PWWP2B: variants seen among roughly 807,000 people sequenced by gnomAD.
PWWP2B encodes the protein PWWP domain-containing protein 2B.
Under a neutral mutation model 15.5 loss-of-function variants are expected in PWWP2B, and 9 were observed. The observed-to-expected ratio is 0.58, with a 90% CI of 0.35 to 1.02. The LOEUF is 1.02. Ranked by LOEUF, PWWP2B falls within the 50% of genes least tolerant of loss-of-function variation. The pLI is 0.02. For missense variants in PWWP2B, 864 were observed against 865.3 expected (o/e 1.00, Z 0.02); for synonymous variants, 474 against 403.6 (o/e 1.17, Z -2.09).
intron 1 of PWWP2B, among the ~76,000 whole-genome samples, chr10:132,397,660 G>GAA (rs2069556239): frequency 5.3e-5 from 8 of 152,138 alleles, no homozygotes. Context: ...TCTTTGTTCA[G>GAA]AGCCACTGTT....
intron 1 of PWWP2B, 89 bp from the exon 2 acceptor site, chr10:132,404,537 G>T: frequency 8.8e-7 from 1 of 1,136,254 alleles, no homozygotes; most frequent in Non-Finnish European, 1.3e-6. Context: ...GCCGGAGCAT[G>T]GGTCGGGGGC....
At chr10:132,406,731 C>T (rs999789842) in intron 2 of PWWP2B, among the ~76,000 whole-genome samples, 1 of 152,194 alleles carries the variant, frequency 6.6e-6, no homozygotes, top group Non-Finnish European at 1.5e-5. Flanking sequence ...GGGCATCTCC[C>T]TCCTCCTGCA....
Position 132,406,118 on chromosome 10 carries a change from T to A in PWWP2B, c.1618T>A (p.Ser540Thr). ...WFGSPTTSFLSISKLSPFSEF... is the reference protein window; with the variant it reads ...WFGSPTTSFLTISKLSPFSEF... ...TGGTTCTCCGACTACGTCGTTCTTG[T>A]CTATTTCAAAACTCTCCCCTTTCTC... is the stretch of plus-strand genomic sequence containing the variant. The change falls in exon 2 of 3, where the codon TCT becomes ACT. Residue 540 changes from serine to threonine, a missense_variant. Ser to Thr is a moderately conservative substitution (Grantham distance 58, BLOSUM62 1). Around this residue, in one of 2 missense-constraint regions of PWWP2B, gnomAD observed 128 missense variants for 177.6 expected, o/e 0.72. Transcript: ENST00000305233. 6.2e-7 allele frequency: 1 copy of A among 1,613,814 alleles called. No homozygotes were observed. The highest frequency in any genetic ancestry group is 8.5e-7 in the Non-Finnish European group (1 of 1,180,016).
intron 2 of PWWP2B, among the ~76,000 whole-genome samples, chr10:132,415,465 ACT>A (rs778068063): frequency 3.0e-4 from 43 of 143,982 alleles, no homozygotes; most frequent in South Asian, 4.4e-4. Context: ...TCACACACGC[ACT>A]CTCACATTCA....
rs762351790 is a variant in PWWP2B, at chr10:132,399,298, C to T, written c.125+1947C>T. Among the ~76,000 whole-genome samples the T allele has an allele frequency of 3.9e-5, 6 of 152,258 alleles. 1 individual carries two copies. Among genetic ancestry groups the T allele is most frequent in the South Asian group, 2.1e-4 (1 of 4,834 alleles). ...TGCTGGGAGCCCTATGACAGGTGTC[C>T]GCCCACCTCAGGGAACCTGTGGGTC... is the stretch of plus-strand genomic sequence containing the variant. On this transcript the variant is annotated intron_variant, in intron 1 of 2. Transcript: ENST00000305233.
At chr10:132,403,463 C>T (rs185358660) in intron 1 of PWWP2B, among the ~76,000 whole-genome samples, 74 of 152,322 alleles carry the variant, frequency 4.9e-4, no homozygotes, top group Middle Eastern at 3.4e-3. Context: ...GTAACATCAG[C>T]GTTCGCAGAA....
At chr10:132,407,161 G>A (rs1376070512) in intron 2 of PWWP2B, among the ~76,000 whole-genome samples, 1 of 152,124 alleles carries the variant, frequency 6.6e-6, no homozygotes, top group Non-Finnish European at 1.5e-5. Context: ...TTTCTGCCCT[G>A]AGCTCCTGAA....
intron 2 of PWWP2B, among the ~76,000 whole-genome samples, chr10:132,412,279 C>T (rs1398320938): frequency 6.6e-6 from 1 of 152,244 alleles, no homozygotes; most frequent in Non-Finnish European, 1.5e-5. Context: ...GGTGAGATGC[C>T]CTAATACTAT....
chr10:132,407,461 A>C (rs987565440), intron 2 of PWWP2B, among the ~76,000 whole-genome samples: 4 of 152,132 alleles, frequency 2.6e-5, no homozygotes, highest in Admixed American at 1.3e-4. Flanking sequence ...TTCCCAGGTG[A>C]CCGTCCTCGG....
chr10:132,403,330 T>C (rs555959097), intron 1 of PWWP2B, among the ~76,000 whole-genome samples: 1 of 152,146 alleles, frequency 6.6e-6, no homozygotes, highest in African/African-American at 2.4e-5. Context: ...TTTCTCTCCA[T>C]CTCCCTCTCT....
chr10:132,410,621 G>A (rs990440187), intron 2 of PWWP2B, among the ~76,000 whole-genome samples: 1 of 152,142 alleles, frequency 6.6e-6, no homozygotes, highest in Non-Finnish European at 1.5e-5. Context: ...GAGCCATGAG[G>A]GCCAATGGGG....
At chr10:132,400,500 G>A (rs879612874) in intron 1 of PWWP2B, among the ~76,000 whole-genome samples, 5 of 152,268 alleles carry the variant, frequency 3.3e-5, no homozygotes, top group Admixed American at 2.6e-4. Flanking sequence ...GGTGAGGCAG[G>A]CTCCCCTTGT....
chr10:132,408,308 T>C lies in PWWP2B; in HGVS notation c.*16+2019T>C, dbSNP rs553328298. On this transcript the variant is annotated intron_variant, in intron 2 of 2. Transcript: ENST00000305233. ...CTGGGATCTCCCGCCCTCTGTGGGG[T>C]TGGTGGTCCTTGAGGGACACGTTTG... Among the ~76,000 whole-genome samples the C allele has an allele frequency of 1.2e-4, 18 of 152,322 alleles. No homozygotes were observed. In the East Asian group the frequency reaches 2.9e-3, roughly 24 times the overall value.
chr10:132,410,335 G>A (rs112255208), intron 2 of PWWP2B, among the ~76,000 whole-genome samples: 6,581 of 50,098 alleles, frequency 0.13, 191 homozygotes, highest in Middle Eastern at 0.23. Context: ...CGTATTCATC[G>A]GGGGGGACCT....
intron 1 of PWWP2B, among the ~76,000 whole-genome samples, chr10:132,399,509 G>C (rs1398889730): frequency 6.6e-6 from 1 of 152,288 alleles, no homozygotes; most frequent in Admixed American, 6.5e-5. Context: ...GCAAAGCAGA[G>C]GGGAGAGGGG....
At chr10:132,407,553 T>G (rs2069716445) in intron 2 of PWWP2B, among the ~76,000 whole-genome samples, 1 of 152,200 alleles carries the variant, frequency 6.6e-6, no homozygotes, top group African/African-American at 2.4e-5. Context: ...GCGGAAGCAG[T>G]GATGAGAGAC....
At position 132,405,229 on chromosome 10, in the gene PWWP2B, G is replaced by T; in HGVS notation, c.729G>T (p.Pro243=). 1 of 1,603,052 alleles carries T rather than the reference G, an allele frequency of 6.2e-7. No individual in the cohort carries two copies. The stretch of plus-strand genomic sequence containing the variant: ...AGAGGCGCGAGGAGGACAGGGCCCC[G>T]GCAGAGCAGGTCCCGCGGAGCCCGG... The part of the protein sequence containing the change: ...KRERREEDRA[P]AEQVPRSPVI... Residue 243 remains proline, a synonymous_variant, in exon 2 of 3, where the codon CCG becomes CCT. Coordinates refer to ENST00000305233, the MANE Select transcript of PWWP2B (RefSeq NM_138499.4).
In PWWP2B at chr10:132,405,044, A is replaced by G; in HGVS notation, c.544A>G (p.Lys182Glu). The change falls in exon 2 of 3, where the codon AAG (lysine) becomes GAG (glutamate). Residue 182 changes from lysine to glutamate, a missense_variant. This residue lies in a region of PWWP2B where 736 missense variants were observed against 687.7 expected (regional missense o/e 1.07). Coordinates refer to ENST00000305233, the MANE Select transcript of PWWP2B (RefSeq NM_138499.4). ...GCGCCAGGTGCTCTGTGAGAAGTGC[A>G]AGAGCACGCTGAGCCCCCCGGAGGC... The part of the protein sequence containing the change: ...RPRQVLCEKC[K>E]STLSPPEASP... 6.6e-7 allele frequency: 1 copy of G among 1,519,022 alleles called. No homozygotes were observed. Among genetic ancestry groups the G allele is most frequent in the Non-Finnish European group, 8.8e-7 (1 of 1,137,410 alleles). The allele number at this position is 1,519,022 out of a possible 1,614,324, so 94.1% of individuals were successfully genotyped here. A position where few individuals can be genotyped will look rare whatever the true frequency, so the allele number is the denominator to read the frequency against.
At position 132,405,411 on chromosome 10, in the gene PWWP2B, G is replaced by T. The variant is rs750881281; in HGVS notation, c.911G>T (p.Arg304Leu). 3.7e-6 allele frequency: 6 copies of T among 1,610,756 alleles called. No individual in the cohort carries two copies. The highest frequency in any genetic ancestry group is 5.1e-6 in the Non-Finnish European group (6 of 1,179,258). The change falls in exon 2 of 3, where the codon CGG becomes CTG. Residue 304 changes from arginine to leucine, a missense_variant. Physicochemically the swap from Arg to Leu is moderately radical, Grantham distance 102. Transcript: ENST00000305233. Reference protein sequence around the residue: ...PEVLDRESRDRPSCAPSASIP... With the variant: ...PEVLDRESRDLPSCAPSASIP... The stretch of plus-strand genomic sequence containing the variant: ...GTGCTGGACAGAGAGTCCCGGGACC[G>T]GCCGTCCTGCGCGCCCTCGGCCTCC...
Sources: gnomAD v4.1 joint callset for allele counts (sites outside exome capture counted in the v4.1 genomes callset) on GRCh38, gnomAD v4.1.1 for gene constraint, gnomAD v4.1.1 regional missense constraint, MANE v1.5 for transcripts, NCBI Gene and HGNC (gene_info 2026-07-23, HGNC 2026-07-21) for gene names.